SSBP2: variants seen among roughly 807,000 people sequenced by gnomAD.
The protein encoded by SSBP2 is single stranded DNA binding protein 2.
In SSBP2, 17 loss-of-function variants were observed where a neutral mutation model predicts 61.8. The ratio of observed to expected loss-of-function variants is 0.28; its 90% confidence interval spans 0.19 to 0.41. The LOEUF is 0.41. Among genes scored for constraint, SSBP2 ranks in the 10% least tolerant of loss-of-function variants. The probability of loss-of-function intolerance (pLI) is 1.00; values close to 1 mark genes in which losing one functional copy is unlikely to be tolerated. For missense variants in SSBP2, 310 were observed against 458.7 expected (o/e 0.68, Z 2.96); for synonymous variants, 139 against 141.3 (o/e 0.98, Z 0.12).
At chr5:81,494,265 T>G (rs573917760) in intron 5 of SSBP2, among the ~76,000 whole-genome samples, 1 of 152,200 alleles carries the variant, frequency 6.6e-6, no homozygotes, top group South Asian at 2.1e-4. Flanking sequence ...GAAAAACTCA[T>G]AAGGTAAGCT....
intron 4 of SSBP2, among the ~76,000 whole-genome samples, chr5:81,542,631 ATGG>A (rs1370539335): frequency 1.2e-5 from 1 of 80,032 alleles, no homozygotes; most frequent in East Asian, 2.1e-4. Context: ...GAACAAAGTC[ATGG>A]TGATATGGTT....
At position 81,659,988 on chromosome 5, in the gene SSBP2, C is replaced by T. The variant is rs186744165; in HGVS notation, c.63-9649G>A. ...CCATATGCAGAAAACTGAAACTAGA[C>T]CCCTTCCTTACACCTTACAAAAAAT... On this transcript the variant is annotated intron_variant, in intron 1 of 16. Coordinates refer to ENST00000320672, the MANE Select transcript of SSBP2 (RefSeq NM_012446.5). 3.8e-3 allele frequency among the ~76,000 whole-genome samples: 585 copies of T among 152,132 alleles called. 2 individuals carry two copies. The highest frequency in any genetic ancestry group is 0.013 in the African/African-American group (534 of 41,518).
At chr5:81,543,797 C>G (rs1771495698) in intron 4 of SSBP2, among the ~76,000 whole-genome samples, 1 of 152,096 alleles carries the variant, frequency 6.6e-6, no homozygotes, top group Admixed American at 6.5e-5. Flanking sequence ...AAATAAATGT[C>G]ATTTAAAACA....
intron 2 of SSBP2, among the ~76,000 whole-genome samples, chr5:81,640,240 G>A (rs781137422): frequency 3.6e-4 from 54 of 152,046 alleles, no homozygotes; most frequent in Admixed American, 5.9e-4. Context: ...CTCAGGAGGC[G>A]GAGGCAGAAG....
chr5:81,447,829 T>C (rs567878576), intron 11 of SSBP2: 2 of 152,234 alleles, frequency 1.3e-5, no homozygotes, highest in Non-Finnish European at 2.9e-5. Context: ...TAAGAAAAAA[T>C]AGGTTTTATA....
chr5:81,420,649 CT>C, intron 16 of SSBP2, 116 bp from the exon 17 acceptor site: 2 of 797,846 alleles, frequency 2.5e-6, no homozygotes, highest in South Asian at 3.3e-5. Flanking sequence ...TATGTGCAAG[CT>C]TTTCATCTCA....
chr5:81,696,802 A>G (rs1287688133), intron 1 of SSBP2, among the ~76,000 whole-genome samples: 1 of 152,240 alleles, frequency 6.6e-6, no homozygotes, highest in Non-Finnish European at 1.5e-5. Context: ...ACTAAGAAAC[A>G]CGAAGTATGA....
chr5:81,645,556 A>T (rs996945368), intron 2 of SSBP2, among the ~76,000 whole-genome samples: 3 of 152,246 alleles, frequency 2.0e-5, no homozygotes, highest in Non-Finnish European at 2.9e-5. Context: ...CTGAGACATG[A>T]ATACCATGCA....
intron 1 of SSBP2, among the ~76,000 whole-genome samples, chr5:81,668,121 T>G (rs1751301178): frequency 6.6e-6 from 1 of 152,090 alleles, no homozygotes; most frequent in Non-Finnish European, 1.5e-5. Flanking sequence ...ACAGTGGGTA[T>G]CAATACTTAA....
At chr5:81,501,613 A>C (rs1580852039) in intron 5 of SSBP2, among the ~76,000 whole-genome samples, 1 of 122,156 alleles carries the variant, frequency 8.2e-6, no homozygotes, top group Non-Finnish European at 1.6e-5. Context: ...CCCAGGCTGG[A>C]GTGTAGTGGC....
rs144274214 is a variant in SSBP2, at chr5:81,447,465, T to C, written c.724-543A>G. 3.0e-4 allele frequency among the ~76,000 whole-genome samples: 46 copies of C among 152,334 alleles called. No homozygotes were observed. The East Asian group carries it at 6.0e-3, about 20-fold the overall frequency. Reference sequence around the variant, plus strand: ...CAAAGTTGACTAATGCTGTGGGTTATTGAGGCTGTAGCTACACAATCAAAC... The same window carrying C: ...CAAAGTTGACTAATGCTGTGGGTTACTGAGGCTGTAGCTACACAATCAAAC... On this transcript the variant is annotated intron_variant, in intron 11 of 16. Coordinates refer to ENST00000320672, the MANE Select transcript of SSBP2 (RefSeq NM_012446.5).
chr5:81,449,219 T>G (rs1240669226), intron 10 of SSBP2, among the ~76,000 whole-genome samples: 1 of 152,182 alleles, frequency 6.6e-6, no homozygotes, highest in African/African-American at 2.4e-5. Flanking sequence ...CAAAAAAAGT[T>G]TGTTAATACG....
chr5:81,499,176 T>C (rs189225379), intron 5 of SSBP2, among the ~76,000 whole-genome samples: 58 of 152,322 alleles, frequency 3.8e-4, no homozygotes, highest in African/African-American at 1.3e-3. Context: ...GTATGCAGTT[T>C]ATCTCCCATA....
Position 81,420,128 on chromosome 5 carries a change from A to G in SSBP2, c.*376T>C, listed in dbSNP as rs1052482532. On this transcript the variant is annotated 3_prime_UTR_variant, in exon 17 of 17. Transcript: ENST00000320672. ...AACGTGAAAAAAAGGATGGAATAAA[A>G]GTCCCTACTTATTTCTACTTAAGAT... The G allele has an allele frequency of 8.2e-5, 15 of 182,442 alleles. No homozygotes were observed. The East Asian group carries it at 2.0e-3, about 24-fold the overall frequency. 11.3% of individuals were successfully genotyped at this position (182,442 alleles called of 1,614,324 possible). A position where few individuals can be genotyped will look rare whatever the true frequency, so the allele number is the denominator to read the frequency against.
chr5:81,730,209 A>G (rs954147375), intron 1 of SSBP2, among the ~76,000 whole-genome samples: 5 of 152,162 alleles, frequency 3.3e-5, no homozygotes, highest in African/African-American at 7.2e-5. Flanking sequence ...CCAAAATTAC[A>G]GAGTAAGTGT....
At chr5:81,434,330 G>A (rs1762530951) in intron 15 of SSBP2, among the ~76,000 whole-genome samples, 1 of 152,046 alleles carries the variant, frequency 6.6e-6, no homozygotes, top group South Asian at 2.1e-4. Flanking sequence ...GAACTATAGA[G>A]CTGTGGCTAG....
chr5:81,720,477 G>A (rs1303247552), intron 1 of SSBP2, among the ~76,000 whole-genome samples: 1 of 152,144 alleles, frequency 6.6e-6, no homozygotes, highest in Non-Finnish European at 1.5e-5. Flanking sequence ...TAAAGCTTCA[G>A]GTGCTAAAAC....
At chr5:81,667,675 C>T (rs1751262136) in intron 1 of SSBP2, among the ~76,000 whole-genome samples, 2 of 152,022 alleles carry the variant, frequency 1.3e-5, no homozygotes, top group South Asian at 4.1e-4. Context: ...AAAGGCGATA[C>T]TAGGAATGAA....
intron 5 of SSBP2, among the ~76,000 whole-genome samples, chr5:81,495,877 A>G (rs1767235940): frequency 6.6e-6 from 1 of 152,142 alleles, no homozygotes; most frequent in Non-Finnish European, 1.5e-5. Context: ...AAAATTAAAA[A>G]TCATTAAAAA....
Sources: allele counts gnomAD v4.1 joint callset (sites outside exome capture counted in the v4.1 genomes callset), GRCh38; gene constraint gnomAD v4.1.1; transcripts MANE v1.5; gene names NCBI Gene and HGNC (gene_info 2026-07-23, HGNC 2026-07-21).